EDEM1: variants seen among roughly 807,000 people sequenced by gnomAD.
The protein encoded by EDEM1 is ER degradation-enhancing alpha-mannosidase-like protein 1.
In EDEM1, 67 loss-of-function variants were observed where a neutral mutation model predicts 74.4. The observed-to-expected ratio is 0.90, with a 90% CI of 0.74 to 1.10. EDEM1 has a LOEUF of 1.10. Ranked by LOEUF, EDEM1 falls within the 50% of genes least tolerant of loss-of-function variation. The pLI is 0.00. For synonymous variants in EDEM1, 382 were observed against 335.9 expected (o/e 1.14, Z -1.50); for missense variants, 926 against 851.6 (o/e 1.09, Z -1.09).
At chr3:5,207,352 C>A in intron 7 of EDEM1, 79 bp downstream of exon 7, 1 of 1,569,098 alleles carries the variant, frequency 6.4e-7, no homozygotes, top group Non-Finnish European at 8.6e-7. Flanking sequence ...TTTTTAATAC[C>A]CTGAGCATTC....
At chr3:5,208,480 T>C (rs1018595186) in intron 8 of EDEM1, among the ~76,000 whole-genome samples, 2 of 152,182 alleles carry the variant, frequency 1.3e-5, no homozygotes, top group African/African-American at 4.8e-5. Flanking sequence ...TTTAACCTAA[T>C]ATTCTACAAA....
intron 2 of EDEM1, among the ~76,000 whole-genome samples, chr3:5,195,775 C>T (rs1489025329): frequency 6.6e-6 from 1 of 152,236 alleles, no homozygotes; most frequent in Non-Finnish European, 1.5e-5. Flanking sequence ...TGTGGACACT[C>T]CATGCCTGAG....
At chr3:5,206,488 G>C (rs1238066203) in intron 6 of EDEM1, among the ~76,000 whole-genome samples, 3 of 152,106 alleles carry the variant, frequency 2.0e-5, no homozygotes, top group Non-Finnish European at 4.4e-5. Flanking sequence ...TTACAGGTGT[G>C]AGCCACCACA....
At chr3:5,212,246 G>C (rs1011811585) in intron 10 of EDEM1, among the ~76,000 whole-genome samples, 8 of 152,326 alleles carry the variant, frequency 5.3e-5, no homozygotes, top group African/African-American at 1.9e-4. Context: ...ACTCTTCTCT[G>C]TCTGGGGTCT....
chr3:5,193,796 C>T (rs1309371566), intron 1 of EDEM1, among the ~76,000 whole-genome samples: 1 of 152,108 alleles, frequency 6.6e-6, no homozygotes, highest in Non-Finnish European at 1.5e-5. Context: ...CAGGGTCTTG[C>T]CATGTTGGCC....
intron 11 of EDEM1, among the ~76,000 whole-genome samples, chr3:5,214,534 A>G (rs2055207432): frequency 6.6e-6 from 1 of 152,186 alleles, no homozygotes; most frequent in African/African-American, 2.4e-5. Flanking sequence ...GGAGGGTGAG[A>G]GGGGGAAGAG....
In EDEM1 at chr3:5,203,200, T is replaced by C. The variant is rs746567430; in HGVS notation, c.1042+51T>C. ...GACTGCACACTGCTTGGTCCCCTTT[T>C]CCTTTCATCTTCTCTGGGCTCTGCC... On this transcript the variant is annotated intron_variant, in intron 5 of 11. Transcript: ENST00000256497. 2.0e-6 allele frequency: 3 copies of C among 1,474,450 alleles called. No individual in the cohort carries two copies. The African/African-American group carries it at 4.3e-5, about 21-fold the overall frequency. The allele number at this position is 1,474,450 out of a possible 1,614,324, so 91.3% of individuals were successfully genotyped here.
rs1292565320 is a variant in EDEM1 at position 5,199,623 on chromosome 3, C to T, written c.614C>T (p.Ala205Val). The T allele has an allele frequency of 1.2e-6, 2 of 1,613,628 alleles. No homozygotes were observed. The highest frequency in any genetic ancestry group is 2.2e-5 in the South Asian group (2 of 90,964). Residue 205 changes from alanine (A) to valine (V), a missense_variant, in exon 3 of 12, where the codon GCC becomes GTC. By Grantham distance (64) the Ala-to-Val change is moderately conservative. Transcript: ENST00000256497. ...IMGNSSEFQKAVKLVINTVSF... is the reference protein window; with the variant it reads ...IMGNSSEFQKVVKLVINTVSF... Reference sequence around the variant, plus strand: ...GGAAATTCATCCGAGTTCCAGAAAGCCGTCAAGTTAGTGATCAACACAGTT... The same window carrying T: ...GGAAATTCATCCGAGTTCCAGAAAGTCGTCAAGTTAGTGATCAACACAGTT...
intron 6 of EDEM1, among the ~76,000 whole-genome samples, chr3:5,206,144 GGA>G (rs935494412): frequency 6.6e-6 from 1 of 151,610 alleles, no homozygotes; most frequent in Non-Finnish European, 1.5e-5. Context: ...CAGGATGACA[GGA>G]GAGAGAGAGC....
rs201917663 is a variant in EDEM1, at chr3:5,201,934, C to T, written c.858+10C>T. ...GATTCCATATCCTCGGGTGGGTAGACTGGTTTGACCCTTTGTGTTTGACAA... is the reference window on the plus strand; with the variant it reads ...GATTCCATATCCTCGGGTGGGTAGATTGGTTTGACCCTTTGTGTTTGACAA... On this transcript the variant is annotated intron_variant, in intron 4 of 11. Coordinates refer to ENST00000256497, the MANE Select transcript of EDEM1 (RefSeq NM_014674.3). 3.1e-6 allele frequency: 5 copies of T among 1,604,362 alleles called. No homozygotes were observed. The highest frequency in any genetic ancestry group is 4.2e-6 in the Non-Finnish European group (5 of 1,176,788).
chr3:5,195,375 G>C, intron 2 of EDEM1, 94 bp downstream of exon 2: 1 of 633,140 alleles, frequency 1.6e-6, no homozygotes, highest in Non-Finnish European at 2.5e-6. Context: ...CAGGGAGCCT[G>C]ATAAGTCAAA....
rs778114968 is a variant in EDEM1, at chr3:5,188,259, C to T, written c.454C>T (p.Gln152Ter). Residue 152 changes from glutamine to a stop codon, truncating the protein, a stop_gained, in exon 1 of 12, where the codon CAG becomes TAG. Coordinates refer to ENST00000256497, the MANE Select transcript of EDEM1 (RefSeq NM_014674.3). LOFTEE classifies it high-confidence loss of function. The part of the protein sequence containing the change: ...YDNYMAHAFP[Q>*]DELNPIHCRG... ...CAACTACATGGCTCACGCCTTCCCC[C>T]AGGACGAGCTCAACCCCATCCACTG... The T allele has an allele frequency of 8.2e-6, 13 of 1,576,684 alleles. No individual in the cohort carries two copies. The highest frequency in any genetic ancestry group is 8.6e-7 in the Non-Finnish European group (1 of 1,163,820).
At position 5,217,193 on chromosome 3, in the gene EDEM1, G is replaced by A. The variant is rs376313473; in HGVS notation, c.*1275G>A. On this transcript the variant is annotated 3_prime_UTR_variant, in exon 12 of 12. Coordinates refer to ENST00000256497, the MANE Select transcript of EDEM1 (RefSeq NM_014674.3). ...AAAAGTAAGCATGTAGAAGGAGGAA[G>A]TTGTGCTAAAATGCCTTTGTTTTTT... The A allele has an allele frequency of 6.6e-6, 1 of 152,662 alleles. No individual in the cohort carries two copies. The highest frequency in any genetic ancestry group is 2.1e-4 in the South Asian group (1 of 4,824). The allele number at this position is 152,662 out of a possible 1,614,324, so 9.5% of individuals were successfully genotyped here.
In EDEM1 at chr3:5,205,148, A is replaced by G; in HGVS notation, c.1124A>G (p.Tyr375Cys). The G allele has an allele frequency of 6.2e-7, 1 of 1,614,232 alleles. No individual in the cohort carries two copies. Among genetic ancestry groups the G allele is most frequent in the Non-Finnish European group, 8.5e-7 (1 of 1,180,046 alleles). ...LGAGLDSFYEYLLKSYILFGE... is the reference protein window; with the variant it reads ...LGAGLDSFYECLLKSYILFGE... The stretch of plus-strand genomic sequence containing the variant: ...GCCGGGCTGGACTCCTTCTATGAAT[A>G]CCTCTTGAAATCTTACATTCTCTTT... The change falls in exon 6 of 12, where the codon TAC becomes TGC. Residue 375 changes from tyrosine (Y) to cysteine (C), a missense_variant. Coordinates refer to ENST00000256497, the MANE Select transcript of EDEM1 (RefSeq NM_014674.3).
intron 1 of EDEM1, among the ~76,000 whole-genome samples, chr3:5,188,711 G>T (rs2054861744): frequency 6.6e-6 from 1 of 152,046 alleles, no homozygotes; most frequent in Non-Finnish European, 1.5e-5. Flanking sequence ...CATGCCCCCC[G>T]TGTAAACGCA....
intron 3 of EDEM1, 128 bp from the exon 4 acceptor site, chr3:5,201,625 C>A: frequency 9.9e-7 from 1 of 1,014,274 alleles, no homozygotes; most frequent in Non-Finnish European, 1.5e-6. Context: ...TCCATTAAGT[C>A]AGGTCTCTCT....
intron 6 of EDEM1, among the ~76,000 whole-genome samples, chr3:5,205,647 T>G (rs191915838): frequency 6.6e-6 from 1 of 152,222 alleles, no homozygotes; most frequent in Non-Finnish European, 1.5e-5. Flanking sequence ...CAGTTCCTCT[T>G]TGGCTGTTGG....
At chr3:5,206,025 G>A (rs2055092717) in intron 6 of EDEM1, among the ~76,000 whole-genome samples, 1 of 152,088 alleles carries the variant, frequency 6.6e-6, no homozygotes, top group Admixed American at 6.5e-5. Context: ...ACTTTACAAA[G>A]AACTGTTAGG....
At chr3:5,210,694 C>T (rs1428559185) in intron 9 of EDEM1, among the ~76,000 whole-genome samples, 1 of 150,178 alleles carries the variant, frequency 6.7e-6, no homozygotes, top group African/African-American at 2.5e-5. Context: ...TTGTGACATG[C>T]TTTTTTTTAC....
Sources: gnomAD v4.1 joint callset for allele counts (sites outside exome capture counted in the v4.1 genomes callset) on GRCh38, gnomAD v4.1.1 for gene constraint, MANE v1.5 for transcripts, NCBI Gene and HGNC (gene_info 2026-07-23, HGNC 2026-07-21) for gene names.